The following MYO1E variants were observed in gnomAD, a reference collection of about 807,000 sequenced individuals.
The protein encoded by MYO1E is myosin IE, also known as unconventional myosin-Ie.
A neutral mutation model predicts 151.1 loss-of-function variants in MYO1E; 68 were observed. That is an observed-to-expected ratio of 0.45 (90% CI 0.37 to 0.55). MYO1E has a LOEUF of 0.55. Ranked by LOEUF, MYO1E falls within the 20% of genes least tolerant of loss-of-function variation. The pLI is 0.00. For synonymous variants in MYO1E, 601 were observed against 501.7 expected (o/e 1.20, Z -2.64); for missense variants, 1,363 against 1,389.3 (o/e 0.98, Z 0.30).
intron 19 of MYO1E, 108 bp from the exon 20 acceptor site, chr15:59,174,348 G>A (rs1289885409): frequency 1.8e-5 from 14 of 789,524 alleles, no homozygotes; most frequent in Non-Finnish European, 3.1e-5. Flanking sequence ...GACACACACG[G>A]GAAGCAGCTT....
intron 1 of MYO1E, among the ~76,000 whole-genome samples, chr15:59,328,975 A>ATTTGAACTCAGCATCCT (rs1171112930): frequency 6.6e-6 from 1 of 152,214 alleles, no homozygotes; most frequent in Non-Finnish European, 1.5e-5. Context: ...CAGGGTTAGA[A>ATTTGAACTCAGCATCCT]TTTGAACTCA....
chr15:59,233,951 T>C (rs2080044789), intron 5 of MYO1E, among the ~76,000 whole-genome samples: 1 of 152,070 alleles, frequency 6.6e-6, no homozygotes, highest in African/African-American at 2.4e-5. Context: ...TTTTTTTACA[T>C]ATTGGGTTAA....
chr15:59,169,544 A>G (rs55792182), intron 22 of MYO1E, among the ~76,000 whole-genome samples: 1 of 152,362 alleles, frequency 6.6e-6, no homozygotes, highest in Non-Finnish European at 1.5e-5. Flanking sequence ...AGACATCACA[A>G]GTTCAAATGA....
At chr15:59,226,038 C>T (rs2079989189) in intron 7 of MYO1E, among the ~76,000 whole-genome samples, 1 of 152,138 alleles carries the variant, frequency 6.6e-6, no homozygotes, top group Admixed American at 6.5e-5. Context: ...CAGAGAACTC[C>T]TGGGGGAGGG....
intron 27 of MYO1E, 42 bp downstream of exon 27, chr15:59,138,156 G>A: frequency 1.2e-6 from 2 of 1,602,886 alleles, no homozygotes; most frequent in Non-Finnish European, 1.7e-6. Context: ...GTGACTGCAT[G>A]CTCTTTGGGA....
chr15:59,345,547 G>T (rs1229027974), intron 1 of MYO1E, among the ~76,000 whole-genome samples: 4 of 152,190 alleles, frequency 2.6e-5, no homozygotes, highest in Admixed American at 6.5e-5. Context: ...AAGCCAGTGG[G>T]TTAAGCATTG....
At chr15:59,197,071 C>T (rs113286712) in intron 16 of MYO1E, among the ~76,000 whole-genome samples, 3,589 of 128,238 alleles carry the variant, frequency 0.028, 146 homozygotes, top group African/African-American at 0.095. Flanking sequence ...CTGCTCATTG[C>T]AACCTCTGCC....
At chr15:59,181,760 A>G (rs1384426165) in intron 18 of MYO1E, among the ~76,000 whole-genome samples, 1 of 152,232 alleles carries the variant, frequency 6.6e-6, no homozygotes, top group East Asian at 1.9e-4. Context: ...AACTTCCTAT[A>G]TAGGGAGGGT....
Position 59,343,887 on chromosome 15 carries a change from T to G in MYO1E, c.3+28611A>C, listed in dbSNP as rs1413278350. 5.3e-5 allele frequency among the ~76,000 whole-genome samples: 8 copies of G among 152,200 alleles called. No homozygotes were observed. The South Asian group carries it at 6.2e-4, about 12-fold the overall frequency. The stretch of plus-strand genomic sequence containing the variant: ...AACTTACTTCAATTCCTTTGTTAAA[T>G]GTATCTGATAATATTCTGAGTTCCT... On this transcript the variant is annotated intron_variant, in intron 1 of 27. Coordinates refer to ENST00000288235, the MANE Select transcript of MYO1E (RefSeq NM_004998.4).
chr15:59,320,477 T>C (rs1233662436), intron 1 of MYO1E, among the ~76,000 whole-genome samples: 1 of 152,094 alleles, frequency 6.6e-6, no homozygotes, highest in Non-Finnish European at 1.5e-5. Context: ...AATAGACACA[T>C]TGACCAATAT....
chr15:59,243,391 A>G (rs1200223934), intron 4 of MYO1E, among the ~76,000 whole-genome samples: 3 of 152,304 alleles, frequency 2.0e-5, no homozygotes, highest in East Asian at 1.9e-4. Context: ...AGAGACTGTT[A>G]TAAGTGCTTT....
rs1164397720 is a variant in MYO1E, at chr15:59,238,117, C to T, written c.333-1445G>A. 4.6e-5 allele frequency among the ~76,000 whole-genome samples: 7 copies of T among 152,134 alleles called. No individual in the cohort carries two copies. In the East Asian group the frequency reaches 5.8e-4, roughly 13 times the overall value. ...AAGTAGAAAACCAGCAAGCCTGGGA[C>T]GAGGTGTCACACTCTTCCAGAGGAC... On this transcript the variant is annotated intron_variant, in intron 4 of 27. Coordinates refer to ENST00000288235, the MANE Select transcript of MYO1E (RefSeq NM_004998.4).
intron 1 of MYO1E, among the ~76,000 whole-genome samples, chr15:59,301,163 T>C (rs373385879): frequency 2.5e-4 from 38 of 152,264 alleles, no homozygotes; most frequent in African/African-American, 9.1e-4. Context: ...CCTGGCACAT[T>C]TGTTTTCCTT....
chr15:59,292,882 T>C (rs1450399048), intron 1 of MYO1E, among the ~76,000 whole-genome samples: 1 of 152,178 alleles, frequency 6.6e-6, no homozygotes, highest in Admixed American at 6.5e-5. Context: ...AGAGGTGACC[T>C]TGTTGTATAA....
intron 4 of MYO1E, among the ~76,000 whole-genome samples, chr15:59,255,347 G>A (rs1256093783): frequency 2.0e-5 from 3 of 151,934 alleles, no homozygotes; most frequent in African/African-American, 7.3e-5. Flanking sequence ...CAAACTCTGC[G>A]GCTTACAGGT....
intron 1 of MYO1E, among the ~76,000 whole-genome samples, chr15:59,331,113 G>C (rs937172613): frequency 6.6e-6 from 1 of 152,180 alleles, no homozygotes; most frequent in African/African-American, 2.4e-5. Flanking sequence ...ACAGCCACGT[G>C]ATTTCATGCT....
intron 19 of MYO1E, among the ~76,000 whole-genome samples, chr15:59,174,623 G>T (rs572212464): frequency 6.6e-6 from 1 of 152,116 alleles, no homozygotes. Flanking sequence ...GGAGGCTGTT[G>T]CTGTTGTTTG....
At chr15:59,256,928 A>C (rs2080197151) in intron 3 of MYO1E, among the ~76,000 whole-genome samples, 1 of 152,194 alleles carries the variant, frequency 6.6e-6, no homozygotes, top group African/African-American at 2.4e-5. Context: ...AGAAGAGGGC[A>C]AGAAGGTGTG....
intron 9 of MYO1E, among the ~76,000 whole-genome samples, chr15:59,219,102 T>C (rs1344840884): frequency 6.6e-6 from 1 of 152,238 alleles, no homozygotes; most frequent in Non-Finnish European, 1.5e-5. Flanking sequence ...ATTGTTCATA[T>C]CCTGCCCTAA....
Sources: allele counts gnomAD v4.1 joint callset (sites outside exome capture counted in the v4.1 genomes callset), GRCh38; gene constraint gnomAD v4.1.1; transcripts MANE v1.5; gene names NCBI Gene and HGNC (gene_info 2026-07-23, HGNC 2026-07-21).